TTC1: variants seen among roughly 807,000 people sequenced by gnomAD.
TTC1 encodes tetratricopeptide repeat protein 1.
In TTC1, 31 loss-of-function variants were observed where a neutral mutation model predicts 37.6. That is an observed-to-expected ratio of 0.82 (90% CI 0.62 to 1.11). The LOEUF is 1.11. TTC1 is among the 50% of genes most tolerant of loss of function. The pLI is 0.00. For synonymous variants in TTC1, 127 were observed against 122.4 expected (o/e 1.04, Z -0.25); for missense variants, 351 against 339.0 (o/e 1.04, Z -0.28).
chr5:160,023,255 CAA>C (rs113727015), intron 2 of TTC1, among the ~76,000 whole-genome samples: 9 of 109,986 alleles, frequency 8.2e-5, no homozygotes, highest in Non-Finnish European at 9.6e-5. Flanking sequence ...AACACTGTCT[CAA>C]AAAAAAAAAA....
At chr5:160,041,163 C>T (rs1254382478) in intron 4 of TTC1, among the ~76,000 whole-genome samples, 1 of 152,032 alleles carries the variant, frequency 6.6e-6, no homozygotes, top group Non-Finnish European at 1.5e-5. Flanking sequence ...TCCATACTTC[C>T]GATAGGACCT....
chr5:160,036,707 AAGTTC>A lies in TTC1; in HGVS notation c.409_413del (p.Ser137LeufsTer2), dbSNP rs1365529925. The A allele has an allele frequency of 6.2e-7, 1 of 1,613,260 alleles. No homozygotes were observed. On this transcript the variant is annotated frameshift_variant, in exon 4 of 8. Transcript: ENST00000231238. LOFTEE classifies it high-confidence loss of function. ...TATCCTCAGATTATATAGAAGCTGA[AAGTTC>A]TTATAGTCGAGCCCTCGAAATGTGC...
At chr5:160,018,535 A>C (rs1756645519) in intron 2 of TTC1, among the ~76,000 whole-genome samples, 1 of 152,184 alleles carries the variant, frequency 6.6e-6, no homozygotes, top group Non-Finnish European at 1.5e-5. Flanking sequence ...TGGCATGTTC[A>C]AGGAATGGAA....
chr5:160,016,062 G>C (rs1756599894), intron 2 of TTC1, among the ~76,000 whole-genome samples: 1 of 152,182 alleles, frequency 6.6e-6, no homozygotes, highest in African/African-American at 2.4e-5. Flanking sequence ...TTATATTTAT[G>C]TAGTATACAA....
At chr5:160,048,087 A>T (rs1368109092) in intron 5 of TTC1, among the ~76,000 whole-genome samples, 1 of 138,908 alleles carries the variant, frequency 7.2e-6, no homozygotes, top group Non-Finnish European at 1.5e-5. Flanking sequence ...TTAAGGATAG[A>T]TTATGAGAAA....
chr5:160,043,240 G>C, intron 5 of TTC1, 71 bp downstream of exon 5: 1 of 1,557,976 alleles, frequency 6.4e-7, no homozygotes, highest in Non-Finnish European at 8.8e-7. Flanking sequence ...CTTTGGGTCA[G>C]GTGTGCACTT....
chr5:160,043,206 G>A (rs780972445), intron 5 of TTC1, 37 bp downstream of exon 5: 2 of 1,610,592 alleles, frequency 1.2e-6, no homozygotes, highest in Non-Finnish European at 1.7e-6. Context: ...TTAACATACA[G>A]GAGCATTATG....
chr5:160,054,346 G>A (rs1276285182), intron 7 of TTC1, among the ~76,000 whole-genome samples: 1 of 152,224 alleles, frequency 6.6e-6, no homozygotes, highest in Non-Finnish European at 1.5e-5. Context: ...GGGTACAGTA[G>A]CTCATGCCTG....
At position 160,057,177 on chromosome 5, in the gene TTC1, G is replaced by T. The variant is rs961946037; in HGVS notation, c.745+5994G>T. 2.6e-5 allele frequency among the ~76,000 whole-genome samples: 4 copies of T among 152,108 alleles called. No homozygotes were observed. The highest frequency in any genetic ancestry group is 2.0e-4 in the Admixed American group (3 of 15,266). The stretch of plus-strand genomic sequence containing the variant: ...CTTCATTTCCTAATTGCTATCCTGA[G>T]GCTTCTCTTAGGAGAATAGTTCCCA... On this transcript the variant is annotated intron_variant, in intron 7 of 7. Transcript: ENST00000231238. This position sits in a 1 kb window ranked among gnomAD's most constrained non-coding sequence, Gnocchi z 4.4.
intron 4 of TTC1, 108 bp downstream of exon 4, chr5:160,036,911 T>G: frequency 1.4e-6 from 1 of 700,332 alleles, no homozygotes; most frequent in Non-Finnish European, 2.4e-6. Flanking sequence ...TCCCTTTTCC[T>G]GCCCATATAT....
At chr5:160,052,559 A>C (rs1447569321) in intron 7 of TTC1, among the ~76,000 whole-genome samples, 1 of 151,084 alleles carries the variant, frequency 6.6e-6, no homozygotes, top group African/African-American at 2.4e-5. Flanking sequence ...AAAAAAAAAA[A>C]AAAAAAAAAA....
intron 2 of TTC1, among the ~76,000 whole-genome samples, chr5:160,021,720 C>G (rs1262506907): frequency 6.6e-6 from 1 of 151,990 alleles, no homozygotes; most frequent in African/African-American, 2.4e-5. Context: ...AAGACAAAAC[C>G]AAAAGCTTAT....
chr5:160,049,399 C>A, intron 5 of TTC1, 115 bp from the exon 6 acceptor site: 1 of 1,032,636 alleles, frequency 9.7e-7, no homozygotes, highest in Non-Finnish European at 1.3e-6. Context: ...ATACACTTGG[C>A]AAATGACTCT....
intron 6 of TTC1, among the ~76,000 whole-genome samples, chr5:160,050,850 T>G (rs1757383312): frequency 6.6e-6 from 1 of 152,028 alleles, no homozygotes; most frequent in Non-Finnish European, 1.5e-5. Flanking sequence ...GGTCTCAAAC[T>G]CCTGAGCTCA....
At chr5:160,010,351 G>T in intron 1 of TTC1, 149 bp from the exon 2 acceptor site, 5 of 479,664 alleles carry the variant, frequency 1.0e-5, no homozygotes, top group Non-Finnish European at 1.9e-5. Flanking sequence ...TATTACTTAT[G>T]ATAAGCTGTA....
In TTC1 at chr5:160,045,508, ACACACATACACACTCTCTCT is replaced by A. The variant is rs1757203988; in HGVS notation, c.541+2341_541+2360del. On this transcript the variant is annotated intron_variant, in intron 5 of 7. Transcript: ENST00000231238. ...CACACACACACACACACACACACAC[ACACACATACACACTCTCTCT>A]CTCTCTCTCTCTCTCTCTCTCTCTC... 1.2e-4 allele frequency among the ~76,000 whole-genome samples: 9 copies of A among 75,880 alleles called. 1 individual carries two copies. The highest frequency in any genetic ancestry group is 4.6e-4 in the African/African-American group (8 of 17,360). The allele number at this position is 75,880 out of a possible 152,430, so 49.8% of individuals were successfully genotyped here.
intron 2 of TTC1, among the ~76,000 whole-genome samples, chr5:160,027,068 G>A (rs1169475337): frequency 6.9e-6 from 1 of 144,580 alleles, no homozygotes; most frequent in African/African-American, 2.6e-5. Flanking sequence ...TCACTTTGTT[G>A]CCCAGGCTGG....
At chr5:160,024,062 A>G in intron 2 of TTC1, 1 of 1,125,730 alleles carries the variant, frequency 8.9e-7, no homozygotes, top group Admixed American at 1.7e-5. Context: ...TACTCTGGTT[A>G]GCATGTAAGT....
intron 5 of TTC1, among the ~76,000 whole-genome samples, chr5:160,043,933 C>T (rs968624590): frequency 5.3e-5 from 8 of 152,030 alleles, no homozygotes; most frequent in Non-Finnish European, 1.2e-4. Flanking sequence ...ATAGGGACAC[C>T]TCAGACATAG....
Sources: allele counts gnomAD v4.1 joint callset (sites outside exome capture counted in the v4.1 genomes callset), GRCh38; gene constraint gnomAD v4.1.1; non-coding constraint Gnocchi (gnomAD v3.1); transcripts MANE v1.5; gene names NCBI Gene and HGNC (gene_info 2026-07-23, HGNC 2026-07-21).